Variants in CSMD1 observed in about 807,000 individuals in gnomAD.
The protein encoded by CSMD1 is CUB and sushi domain-containing protein 1.
CSMD1 carries 213 observed loss-of-function variants against 417.5 expected under a neutral mutation model. The ratio of observed to expected loss-of-function variants is 0.51; its 90% CI spans 0.46 to 0.57. The LOEUF (loss-of-function observed/expected upper bound fraction) is 0.57. Ranked by LOEUF, CSMD1 falls within the 20% of genes least tolerant of loss-of-function variation. The pLI is 0.00. For missense variants in CSMD1, 6,923 were observed against 4,529.7 expected, an observed-to-expected ratio of 1.53 and a Z score of -15.17; for synonymous variants, 2,862 against 1,736.8, an observed-to-expected ratio of 1.65 and a Z score of -16.11.
At chr8:4,795,174 T>G (rs2117253441) in intron 1 of CSMD1, among the ~76,000 whole-genome samples, 1 of 150,908 alleles carries the variant, frequency 6.6e-6, no homozygotes, top group Non-Finnish European at 1.5e-5. Context: ...TAGCCACATT[T>G]TTAGGTGAAA....
intron 7 of CSMD1, among the ~76,000 whole-genome samples, chr8:3,643,617 C>A (rs906413097): frequency 6.9e-6 from 1 of 145,418 alleles, no homozygotes; most frequent in African/African-American, 2.6e-5. Flanking sequence ...AGGAGAATGG[C>A]GTGAACCCGG....
intron 5 of CSMD1, among the ~76,000 whole-genome samples, chr8:3,994,606 A>C (rs1387629044): frequency 6.6e-6 from 1 of 152,148 alleles, no homozygotes; most frequent in Non-Finnish European, 1.5e-5. Flanking sequence ...CCTGCATGAA[A>C]TTAGAATCCG....
chr8:3,741,017 C>A (rs1796773367), intron 6 of CSMD1, among the ~76,000 whole-genome samples: 1 of 151,890 alleles, frequency 6.6e-6, no homozygotes, highest in African/African-American at 2.4e-5. Flanking sequence ...GATTTCCAGA[C>A]CAGCCTGGCC....
intron 10 of CSMD1, among the ~76,000 whole-genome samples, chr8:3,532,345 T>A (rs542351811): frequency 6.6e-6 from 1 of 152,194 alleles, no homozygotes; most frequent in Non-Finnish European, 1.5e-5. Context: ...CTCCTGGCTA[T>A]TGGCACACAT....
At chr8:3,314,492 G>C (rs144026945) in intron 23 of CSMD1, among the ~76,000 whole-genome samples, 12 of 152,080 alleles carry the variant, frequency 7.9e-5, no homozygotes, top group Non-Finnish European at 1.6e-4. Flanking sequence ...TTATGCTCTA[G>C]AAACTTTAAA....
intron 5 of CSMD1, among the ~76,000 whole-genome samples, chr8:3,808,939 G>A (rs1271202343): frequency 6.6e-6 from 1 of 152,148 alleles, no homozygotes; most frequent in Non-Finnish European, 1.5e-5. Context: ...TTAGTGCTAT[G>A]TAGAGGGGTC....
chr8:4,236,184 C>T (rs967454913), intron 3 of CSMD1, among the ~76,000 whole-genome samples: 1 of 151,800 alleles, frequency 6.6e-6, no homozygotes, highest in African/African-American at 2.4e-5. Context: ...ATGCCACGGA[C>T]AACACATGAT....
At chr8:4,969,488 T>G (rs11988423) in intron 1 of CSMD1, among the ~76,000 whole-genome samples, 1,551 of 151,660 alleles carry the variant, frequency 0.01, 24 homozygotes, top group African/African-American at 0.036. Context: ...TCTCTCTCTC[T>G]TTCTGTCTCC....
intron 5 of CSMD1, among the ~76,000 whole-genome samples, chr8:3,818,317 G>T (rs544959377): frequency 2.6e-5 from 4 of 152,116 alleles, no homozygotes; most frequent in African/African-American, 9.7e-5. Context: ...ACATACACAT[G>T]TTCCAAAGAA....
At chr8:3,382,705 G>A (rs56285609) in intron 18 of CSMD1, among the ~76,000 whole-genome samples, 1 of 150,258 alleles carries the variant, frequency 6.7e-6, no homozygotes, top group Non-Finnish European at 1.5e-5. Context: ...TGGCTTATTA[G>A]TGTTGCATTT....
At chr8:4,213,765 C>A (rs1211832771) in intron 3 of CSMD1, among the ~76,000 whole-genome samples, 4 of 152,080 alleles carry the variant, frequency 2.6e-5, no homozygotes, top group Non-Finnish European at 5.9e-5. Flanking sequence ...AGATGGGGTT[C>A]CCTGCCAGCT....
chr8:3,045,489 C>A lies in CSMD1; in HGVS notation c.7660+6973G>T, dbSNP rs182459241. Among the ~76,000 whole-genome samples, 453 of 152,274 alleles carry A rather than the reference C, an allele frequency of 3.0e-3. 2 individuals are homozygous for A. Among genetic ancestry groups the A allele is most frequent in the Non-Finnish European group, 4.5e-3 (309 of 68,020 alleles). On this transcript the variant is annotated intron_variant, in intron 50 of 69. Coordinates refer to ENST00000635120, the MANE Select transcript of CSMD1 (RefSeq NM_033225.6). ...ATTGATTGATACATTTACCTGTGAA[C>A]TGCAAGAGACCCCTTATTCCTGATT...
At chr8:3,466,384 A>G (rs1045247305) in intron 12 of CSMD1, among the ~76,000 whole-genome samples, 1 of 151,870 alleles carries the variant, frequency 6.6e-6, no homozygotes, top group East Asian at 1.9e-4. Context: ...CTCTATGTGA[A>G]TATATGCTGT....
At chr8:4,257,277 C>G (rs893327601) in intron 3 of CSMD1, among the ~76,000 whole-genome samples, 1 of 152,082 alleles carries the variant, frequency 6.6e-6, no homozygotes, top group African/African-American at 2.4e-5. Context: ...TTTCTGTACC[C>G]TTTCTGTTAT....
chr8:4,393,464 G>C (rs75483341), intron 3 of CSMD1, among the ~76,000 whole-genome samples: 5,420 of 152,224 alleles, frequency 0.036, 312 homozygotes, highest in African/African-American at 0.12. Flanking sequence ...TCACATGCAT[G>C]ATTATGTTGA....
At chr8:4,782,769 G>T (rs185271635) in intron 1 of CSMD1, among the ~76,000 whole-genome samples, 137 of 152,212 alleles carry the variant, frequency 9.0e-4, no homozygotes, top group Non-Finnish European at 1.6e-3. Flanking sequence ...TTTCTAGTTA[G>T]TAATAGTTTC....
At chr8:4,032,138 A>C (rs1585169678) in intron 3 of CSMD1, 39 bp from the exon 4 acceptor site, 1 of 1,517,676 alleles carries the variant, frequency 6.6e-7, no homozygotes, top group Non-Finnish European at 9.0e-7. Context: ...AAACAAGTTA[A>C]ATTTTCCATG....
intron 3 of CSMD1, among the ~76,000 whole-genome samples, chr8:4,400,470 C>T (rs879555603): frequency 2.6e-5 from 4 of 152,182 alleles, no homozygotes; most frequent in Non-Finnish European, 5.9e-5. Context: ...ATTTGCTCCA[C>T]GCAAATTCTT....
chr8:4,731,281 A>T (rs1471508623), intron 1 of CSMD1, among the ~76,000 whole-genome samples: 1 of 152,074 alleles, frequency 6.6e-6, no homozygotes. Context: ...GTTAGAGGCC[A>T]CCTTCCTCAT....
Sources: allele counts gnomAD v4.1 joint callset (sites outside exome capture counted in the v4.1 genomes callset), GRCh38; gene constraint gnomAD v4.1.1; transcripts MANE v1.5; gene names NCBI Gene and HGNC (gene_info 2026-07-23, HGNC 2026-07-21).